The following KLHL32 variants were observed in gnomAD, a reference collection of about 807,000 sequenced individuals.
KLHL32 encodes the protein kelch like family member 32.
KLHL32 carries 35 observed loss-of-function variants against 64.8 expected under a neutral mutation model. That is an observed-to-expected ratio of 0.54 (90% CI 0.41 to 0.72). KLHL32 has a LOEUF of 0.72. Among genes scored for constraint, KLHL32 ranks in the 30% least tolerant of loss-of-function variants. The pLI, the probability that KLHL32 is intolerant of heterozygous loss-of-function variation, is 0.00. For synonymous variants in KLHL32, 259 were observed against 281.0 expected (o/e 0.92, Z 0.78); for missense variants, 589 against 768.5 (o/e 0.77, Z 2.76).
intron 1 of KLHL32, among the ~76,000 whole-genome samples, chr6:96,926,852 T>C (rs1469339445): frequency 6.6e-6 from 1 of 152,186 alleles, no homozygotes; most frequent in Non-Finnish European, 1.5e-5. Context: ...TTTTAAAAAC[T>C]GTAAGGACCA....
the KLHL32 span, among the ~76,000 whole-genome samples, chr6:96,905,763 A>T: frequency 3.3e-5 from 5 of 152,188 alleles, no homozygotes; most frequent in African/African-American, 1.2e-4. Flanking sequence ...TTTAGGTTTG[A>T]TTGGCACTTT....
intron 1 of KLHL32, among the ~76,000 whole-genome samples, chr6:96,928,285 G>T (rs529272445): frequency 6.6e-6 from 1 of 152,302 alleles, no homozygotes; most frequent in Non-Finnish European, 1.5e-5. Flanking sequence ...GCTATTGAAA[G>T]ATGGGAGTCT....
chr6:96,988,886 C>A (rs956640058), intron 3 of KLHL32, among the ~76,000 whole-genome samples: 1 of 151,452 alleles, frequency 6.6e-6, no homozygotes, highest in Non-Finnish European at 1.5e-5. Context: ...TTCTCACTCA[C>A]AGGTGGGAAT....
At chr6:96,991,200 G>A (rs1393388375) in intron 3 of KLHL32, among the ~76,000 whole-genome samples, 5 of 152,040 alleles carry the variant, frequency 3.3e-5, no homozygotes, top group Non-Finnish European at 5.9e-5. Flanking sequence ...ACTGGCGGTG[G>A]CAGAGGGTCT....
chr6:97,126,100 A>C (rs1331535875), intron 7 of KLHL32, among the ~76,000 whole-genome samples: 1 of 152,164 alleles, frequency 6.6e-6, no homozygotes, highest in African/African-American at 2.4e-5. Context: ...TTTGTTTTTT[A>C]AATTCAAAAA....
intron 4 of KLHL32, among the ~76,000 whole-genome samples, chr6:97,052,773 C>T (rs1385600035): frequency 6.6e-6 from 1 of 152,186 alleles, no homozygotes; most frequent in Non-Finnish European, 1.5e-5. Context: ...ATACCTAGAT[C>T]AAGCCAGAAA....
intron 3 of KLHL32, among the ~76,000 whole-genome samples, chr6:97,039,625 G>C (rs1784828747): frequency 7.4e-6 from 1 of 135,472 alleles, no homozygotes; most frequent in South Asian, 2.2e-4. Flanking sequence ...TTCAAGACCA[G>C]CCTGGCCAAT....
intron 5 of KLHL32, among the ~76,000 whole-genome samples, chr6:97,073,054 C>T (rs934688307): frequency 5.3e-5 from 8 of 152,150 alleles, no homozygotes; most frequent in Non-Finnish European, 1.2e-4. Flanking sequence ...TATCCTACAT[C>T]GGTGAGTGCT....
intron 6 of KLHL32, among the ~76,000 whole-genome samples, chr6:97,102,284 C>T (rs1289425851): frequency 1.3e-5 from 2 of 152,188 alleles, no homozygotes; most frequent in South Asian, 2.1e-4. Flanking sequence ...TGACTTCACC[C>T]TGGTAATGCA....
intron 3 of KLHL32, among the ~76,000 whole-genome samples, chr6:97,029,179 A>C (rs1234087235): frequency 6.6e-6 from 1 of 152,176 alleles, no homozygotes; most frequent in East Asian, 1.9e-4. Flanking sequence ...GGTCGTTGAA[A>C]CATGGCCACA....
intron 4 of KLHL32, among the ~76,000 whole-genome samples, chr6:97,045,257 A>G (rs1785749509): frequency 6.6e-6 from 1 of 152,236 alleles, no homozygotes; most frequent in African/African-American, 2.4e-5. Flanking sequence ...GGCCATTATC[A>G]TTCACAGAGT....
chr6:96,898,460 T>C, the KLHL32 span, among the ~76,000 whole-genome samples: 1 of 152,216 alleles, frequency 6.6e-6, no homozygotes, highest in Non-Finnish European at 1.5e-5. Context: ...CCCCGCCTGA[T>C]GCATTTTCAA....
At chr6:97,055,826 C>T (rs12206415) in intron 4 of KLHL32, among the ~76,000 whole-genome samples, 21,566 of 106,446 alleles carry the variant, frequency 0.2, 2,170 homozygotes, top group African/African-American at 0.27. Context: ...AAAAAAACCC[C>T]TTCTTATTTC....
chr6:96,940,322 T>C (rs1771133081), intron 1 of KLHL32, among the ~76,000 whole-genome samples: 1 of 152,154 alleles, frequency 6.6e-6, no homozygotes, highest in Non-Finnish European at 1.5e-5. Flanking sequence ...ACTGTAGCTC[T>C]TAATGATTAG....
chr6:96,981,702 CTCTCT>C (rs1353527233), intron 3 of KLHL32, among the ~76,000 whole-genome samples: 6 of 152,058 alleles, frequency 3.9e-5, no homozygotes, highest in African/African-American at 1.2e-4. Flanking sequence ...CTGTAAACTC[CTCTCT>C]TAACACTGCT....
chr6:96,987,737 A>G (rs1777291144), intron 3 of KLHL32, among the ~76,000 whole-genome samples: 1 of 152,220 alleles, frequency 6.6e-6, no homozygotes, highest in African/African-American at 2.4e-5. Flanking sequence ...ACAGCAAGGT[A>G]CTGGTACCAA....
At chr6:97,111,909 C>T (rs1322112263) in intron 6 of KLHL32, among the ~76,000 whole-genome samples, 1 of 152,140 alleles carries the variant, frequency 6.6e-6, no homozygotes, top group Non-Finnish European at 1.5e-5. Context: ...CAAGCTGTCC[C>T]TCTGAAGTCA....
At chr6:97,067,514 T>C (rs1789984554) in intron 5 of KLHL32, among the ~76,000 whole-genome samples, 1 of 152,186 alleles carries the variant, frequency 6.6e-6, no homozygotes, top group African/African-American at 2.4e-5. Flanking sequence ...GCAGTCTGCT[T>C]GTTTCTAGCC....
chr6:96,985,755 A>T (rs1776954983), intron 3 of KLHL32, among the ~76,000 whole-genome samples: 1 of 151,734 alleles, frequency 6.6e-6, no homozygotes, highest in South Asian at 2.1e-4. Flanking sequence ...AGAATTGGTT[A>T]TTCTAGTTAG....
Sources: allele counts gnomAD v4.1 joint callset (sites outside exome capture counted in the v4.1 genomes callset), GRCh38; gene constraint gnomAD v4.1.1; transcripts MANE v1.5; gene names NCBI Gene and HGNC (gene_info 2026-07-23, HGNC 2026-07-21).